Variants in INF2 observed in about 807,000 individuals in gnomAD.
INF2 encodes the protein inverted formin 2.
INF2 carries 43 observed loss-of-function variants against 123.5 expected under a neutral mutation model. The ratio of observed to expected loss-of-function variants is 0.35; its 90% CI spans 0.27 to 0.45. The LOEUF (loss-of-function observed/expected upper bound fraction) is 0.45, where lower values mean the gene tolerates loss of function less well. Ranked by LOEUF, INF2 falls within the 20% of genes least tolerant of loss-of-function variation. INF2 has a pLI of 1.00. For synonymous variants in INF2, 851 were observed against 745.0 expected, an observed-to-expected ratio of 1.14 and a Z score of -2.32; for missense variants, 1,453 against 1,682.7, an observed-to-expected ratio of 0.86 and a Z score of 2.39.
Position 104,714,518 on chromosome 14 carries a change from A to G in INF2, c.3356A>G (p.Asn1119Ser). The change falls in exon 21 of 23, where the codon AAC (asparagine) becomes AGC (serine). Residue 1119 changes from asparagine (N) to serine (S), a missense_variant. By Grantham distance (46) the Asn-to-Ser change is conservative. Coordinates refer to ENST00000392634, the MANE Select transcript of INF2 (RefSeq NM_022489.4). ...CTGAAGCCCCTCAAGTTCTCCAGCA[A>G]CCAGCCCCCTGCAGCCGGAAGTTCA... ...QALKPLKFSS[N>S]QPPAAGSSRQ... 3.7e-6 allele frequency: 6 copies of G among 1,612,748 alleles called. No individual in the cohort carries two copies. The highest frequency in any genetic ancestry group is 1.1e-5 in the South Asian group (1 of 91,080).
chr14:104,713,371 C>T, intron 19 of INF2, 62 bp downstream of exon 19: 1 of 1,564,630 alleles, frequency 6.4e-7, no homozygotes, highest in Non-Finnish European at 8.7e-7. Context: ...GTGCTCCAGC[C>T]TCCCCACCAC....
At chr14:104,710,346 G>T (rs542541751) in intron 13 of INF2, among the ~76,000 whole-genome samples, 158 bp downstream of exon 13, 1 of 115,570 alleles carries the variant, frequency 8.7e-6, no homozygotes, top group Admixed American at 1.0e-4. Context: ...CCACCCTGCT[G>T]CCACCACCTC....
chr14:104,695,178 C>T (rs1199520961), intron 1 of INF2, among the ~76,000 whole-genome samples: 1 of 152,126 alleles, frequency 6.6e-6, no homozygotes, highest in Non-Finnish European at 1.5e-5. Context: ...GGGCTCATGC[C>T]ACCTGCAGGG....
At chr14:104,712,361 G>T in intron 16 of INF2, 72 bp from the exon 17 acceptor site, 1 of 1,599,814 alleles carries the variant, frequency 6.3e-7, no homozygotes, top group Non-Finnish European at 8.5e-7. Context: ...GGGTGCAGGG[G>T]AGGGGCTCCC....
At chr14:104,691,638 G>A (rs1681237396) in intron 1 of INF2, among the ~76,000 whole-genome samples, 1 of 152,204 alleles carries the variant, frequency 6.6e-6, no homozygotes, top group African/African-American at 2.4e-5. Flanking sequence ...TCTCTGGAGG[G>A]TGGTCCCCAG....
In INF2 at chr14:104,714,615, G is replaced by A. The variant is rs760838075; in HGVS notation, c.3453G>A (p.Gly1151=). The A allele has an allele frequency of 3.7e-6, 6 of 1,612,578 alleles. No individual in the cohort carries two copies. In the South Asian group the frequency reaches 5.5e-5, roughly 15 times the overall value. Residue 1151 remains glycine, a synonymous_variant, in exon 21 of 23, where the codon GGG becomes GGA. Transcript: ENST00000392634. ...CCGAGGCCGACAGCACAAGTGAGGG[G>A]CTGGAGGACGCTGTCCACAGCCGTG... ...LQAEADSTSE[G]LEDAVHSRGA...
chr14:104,699,478 C>A lies in INF2; in HGVS notation c.-9-1879C>A, dbSNP rs1319954516. 1 of 985,166 alleles carries A rather than the reference C, an allele frequency of 1.0e-6. No homozygotes were observed. The highest frequency in any genetic ancestry group is 1.2e-6 in the Non-Finnish European group (1 of 829,910). The allele number at this position is 985,166 out of a possible 1,614,324, so 61.0% of individuals were successfully genotyped here. A position where few individuals can be genotyped will look rare whatever the true frequency, so the allele number is the denominator to read the frequency against. On this transcript the variant is annotated intron_variant, in intron 1 of 22. Transcript: ENST00000392634. The surrounding 1 kb of genome is among the most constrained non-coding windows in gnomAD (Gnocchi z 4.7). Reference sequence around the variant, plus strand: ...GGACCTGAGGCTGCCTGGGAGGGACCCGGCTGTCTCTGGCAGCTCAGCGGT... The same window carrying A: ...GGACCTGAGGCTGCCTGGGAGGGACACGGCTGTCTCTGGCAGCTCAGCGGT...
In INF2 at chr14:104,699,553, C is replaced by T; in HGVS notation, c.-9-1804C>T. ...GCGTGAGGAGCAGCCCAGGACAGGG[C>T]CCAGAGTGGGTGGGCAGAGGTGGCC... is the stretch of plus-strand genomic sequence containing the variant. On this transcript the variant is annotated intron_variant, in intron 1 of 22. Transcript: ENST00000392634. This position sits in a 1 kb window ranked among gnomAD's most constrained non-coding sequence, Gnocchi z 4.7. 1 of 984,954 alleles carries T rather than the reference C, an allele frequency of 1.0e-6. No homozygotes were observed. The highest frequency in any genetic ancestry group is 1.2e-6 in the Non-Finnish European group (1 of 829,846). The allele number at this position is 984,954 out of a possible 1,614,324, so 61.0% of individuals were successfully genotyped here.
chr14:104,713,188 G>A lies in INF2; in HGVS notation c.2776-19G>A, dbSNP rs1187088391. On this transcript the variant is annotated intron_variant, in intron 18 of 22. Coordinates refer to ENST00000392634, the MANE Select transcript of INF2 (RefSeq NM_022489.4). ...AGGGATGCCACGCTGGGGTGACGGGGCCACATCTGCCAGTGCAGGAGAACA... is the reference window on the plus strand; with the variant it reads ...AGGGATGCCACGCTGGGGTGACGGGACCACATCTGCCAGTGCAGGAGAACA... 1 of 1,561,054 alleles carries A rather than the reference G, an allele frequency of 6.4e-7. No individual in the cohort carries two copies. Among genetic ancestry groups the A allele is most frequent in the South Asian group, 1.2e-5 (1 of 86,002 alleles).
At chr14:104,696,549 G>A (rs1889201613) in intron 1 of INF2, among the ~76,000 whole-genome samples, 2 of 152,230 alleles carry the variant, frequency 1.3e-5, no homozygotes, top group African/African-American at 4.8e-5. Flanking sequence ...ACATGCTGGA[G>A]GCTCAAAGGA....
chr14:104,711,789 G>T, intron 16 of INF2, 90 bp downstream of exon 16: 1 of 1,250,118 alleles, frequency 8.0e-7, no homozygotes, highest in Admixed American at 1.8e-5. Flanking sequence ...GCCAGGGCTG[G>T]GTCTCACAGC....
Position 104,703,346 on chromosome 14 carries a change from G to A in INF2, c.559G>A (p.Gly187Ser), listed in dbSNP as rs772603803. 7 of 1,612,938 alleles carry A rather than the reference G, an allele frequency of 4.3e-6. No homozygotes were observed. Among genetic ancestry groups the A allele is most frequent in the African/African-American group, 2.7e-5 (2 of 74,930 alleles). Reference protein sequence around the residue: ...RFSIVMNELSGSDNVPYVVTL... With the variant: ...RFSIVMNELSSSDNVPYVVTL... ...CAGCATTGTCATGAACGAGCTCTCC[G>A]GCAGCGACAACGTGCCCTACGTGGT... Residue 187 changes from glycine (G) to serine (S), a missense_variant, in exon 4 of 23, where the codon GGC becomes AGC. Around this residue, in one of 8 missense-constraint regions of INF2, gnomAD observed 251 missense variants for 349.4 expected, o/e 0.72. Transcript: ENST00000392634.
At chr14:104,716,056 A>G (rs1343717320) in intron 22 of INF2, 1 of 428,116 alleles carries the variant, frequency 2.3e-6, no homozygotes, top group Non-Finnish European at 4.7e-6. Flanking sequence ...GCATCCAGCT[A>G]GACAGGACCA....
intron 1 of INF2, among the ~76,000 whole-genome samples, chr14:104,696,212 T>C (rs1201766439): frequency 2.6e-5 from 4 of 152,186 alleles, no homozygotes; most frequent in African/African-American, 9.7e-5. Context: ...GGGGCCCTCT[T>C]TGCACAACAA....
chr14:104,683,000 G>C (rs1366756352), intron 1 of INF2, among the ~76,000 whole-genome samples: 1 of 151,718 alleles, frequency 6.6e-6, no homozygotes, highest in Non-Finnish European at 1.5e-5. Context: ...GTTGGAAGGG[G>C]AGCCAGGCTC....
intron 22 of INF2, among the ~76,000 whole-genome samples, chr14:104,715,543 C>G (rs932942535): frequency 2.0e-5 from 3 of 152,220 alleles, no homozygotes; most frequent in Admixed American, 6.5e-5. Context: ...ACCTGCTCAA[C>G]TGGTGCCTCC....
At chr14:104,692,218 C>T (rs1329906520) in intron 1 of INF2, among the ~76,000 whole-genome samples, 1 of 152,240 alleles carries the variant, frequency 6.6e-6, no homozygotes, top group East Asian at 1.9e-4. Context: ...CTCCCACCCT[C>T]ATCCCTCCCA....
At chr14:104,710,215 T>C (rs1344508270) in intron 13 of INF2, 27 bp downstream of exon 13, 4 of 1,502,114 alleles carry the variant, frequency 2.7e-6, no homozygotes, top group Non-Finnish European at 2.7e-6. Context: ...GGGGCACGTG[T>C]GCAGGAGGGA....
rs545494683 is a variant in INF2 at position 104,684,381 on chromosome 14, C to T, written c.-104+2799C>T. 9.2e-4 allele frequency: 273 copies of T among 297,252 alleles called. No individual in the cohort carries two copies. The highest frequency in any genetic ancestry group is 1.4e-3 in the Non-Finnish European group (209 of 150,146). 18.4% of individuals were successfully genotyped at this position (297,252 alleles called of 1,614,324 possible). On this transcript the variant is annotated intron_variant, in intron 1 of 2. Coordinates refer to the INF2 transcript ENST00000674723. This position sits in a 1 kb window ranked among gnomAD's most constrained non-coding sequence, Gnocchi z 5.0. ...CCGGCCTCTGCACCTCAGCTTTCAG[C>T]GGATAGGTTTGTGCAACGAAATATT...
Sources: gnomAD v4.1 joint callset for allele counts (sites outside exome capture counted in the v4.1 genomes callset) on GRCh38, gnomAD v4.1.1 for gene constraint, gnomAD v4.1.1 regional missense constraint, Gnocchi (gnomAD v3.1) non-coding constraint, MANE v1.5 for transcripts, NCBI Gene and HGNC (gene_info 2026-07-23, HGNC 2026-07-21) for gene names.